The following FSHR variants were observed in gnomAD, a reference collection of about 807,000 sequenced individuals.
The protein encoded by FSHR is follicle stimulating hormone receptor.
Under a neutral mutation model 52.1 loss-of-function variants are expected in FSHR, and 46 were observed. The observed-to-expected ratio is 0.88, with a 90% confidence interval of 0.70 to 1.13. The LOEUF is 1.13. Ranked by LOEUF, FSHR falls within the 50% of genes most tolerant of loss-of-function variation. The pLI, the probability that FSHR is intolerant of heterozygous loss-of-function variation, is 0.00. For missense variants in FSHR, 964 were observed against 834.6 expected, an observed-to-expected ratio of 1.16 and a Z score of -1.91; for synonymous variants, 399 against 309.6, an observed-to-expected ratio of 1.29 and a Z score of -3.03.
At chr2:48,975,738 T>G (rs1334613326) in intron 8 of FSHR, among the ~76,000 whole-genome samples, 1 of 152,208 alleles carries the variant, frequency 6.6e-6, no homozygotes, top group African/African-American at 2.4e-5. Context: ...ATTTTTATTC[T>G]CTCTGTAGCA....
chr2:49,086,290 T>C (rs927279440), intron 1 of FSHR, among the ~76,000 whole-genome samples: 1 of 152,180 alleles, frequency 6.6e-6, no homozygotes, highest in Non-Finnish European at 1.5e-5. Flanking sequence ...AGAGTTCATC[T>C]AAAATTGCAG....
intron 8 of FSHR, among the ~76,000 whole-genome samples, chr2:48,979,805 T>TTTTG (rs1553430622): frequency 6.0e-4 from 90 of 150,214 alleles, no homozygotes; most frequent in African/African-American, 1.6e-3. Context: ...ATCACAGTCT[T>TTTTG]TGTGTGTGTG....
chr2:48,989,093 C>T (rs746722248), intron 5 of FSHR, 39 bp from the exon 6 acceptor site: 1 of 1,523,514 alleles, frequency 6.6e-7, no homozygotes, highest in South Asian at 1.1e-5. Flanking sequence ...CTTACATCAG[C>T]TCTACTCATG....
intron 1 of FSHR, among the ~76,000 whole-genome samples, chr2:49,103,742 A>C (rs1671118777): frequency 6.6e-6 from 1 of 152,110 alleles, no homozygotes; most frequent in South Asian, 2.1e-4. Flanking sequence ...TACTGGAATA[A>C]CCTACATAAG....
chr2:49,074,343 A>G (rs752922170), intron 1 of FSHR, among the ~76,000 whole-genome samples: 1 of 152,120 alleles, frequency 6.6e-6, no homozygotes, highest in Non-Finnish European at 1.5e-5. Context: ...AATCACCACC[A>G]ACAAAAAAGT....
intron 2 of FSHR, among the ~76,000 whole-genome samples, chr2:49,027,826 G>A (rs866721749): frequency 2.2e-5 from 3 of 138,858 alleles, no homozygotes; most frequent in African/African-American, 8.3e-5. Flanking sequence ...CTCCAGCCTG[G>A]ATGACAGAGT....
intron 2 of FSHR, among the ~76,000 whole-genome samples, chr2:49,020,640 C>T (rs1667657529): frequency 6.6e-6 from 1 of 151,994 alleles, no homozygotes; most frequent in South Asian, 2.1e-4. Context: ...AATGAATTAG[C>T]CTGTGTTCCA....
At chr2:49,124,011 A>C (rs1368526657) in intron 1 of FSHR, among the ~76,000 whole-genome samples, 1 of 151,112 alleles carries the variant, frequency 6.6e-6, no homozygotes. Flanking sequence ...TTGAGACGGA[A>C]TTTCGCTCTA....
At chr2:48,974,349 C>T (rs1479342604) in intron 8 of FSHR, among the ~76,000 whole-genome samples, 2 of 152,186 alleles carry the variant, frequency 1.3e-5, no homozygotes, top group East Asian at 3.9e-4. Context: ...CATTGCCTTT[C>T]CGTTGCTCAG....
chr2:49,075,531 G>A (rs1189911254), intron 1 of FSHR, among the ~76,000 whole-genome samples: 2 of 152,034 alleles, frequency 1.3e-5, no homozygotes, highest in African/African-American at 4.8e-5. Context: ...TAAAAACTGA[G>A]AGAGAAAAAA....
chr2:49,085,297 C>A (rs200666433), intron 1 of FSHR, among the ~76,000 whole-genome samples: 10,389 of 102,152 alleles, frequency 0.1, no homozygotes, highest in Non-Finnish European at 0.12. Flanking sequence ...ATTCAACAAC[C>A]TTCATGCTAA....
chr2:49,106,178 C>A (rs921980685), intron 1 of FSHR, among the ~76,000 whole-genome samples: 7 of 152,128 alleles, frequency 4.6e-5, no homozygotes, highest in African/African-American at 1.7e-4. Context: ...GCCTGAAATA[C>A]CTTTAAAAGG....
chr2:49,061,557 CATATAA>C (rs1004069528), intron 2 of FSHR, among the ~76,000 whole-genome samples: 3 of 142,954 alleles, frequency 2.1e-5, no homozygotes, highest in Admixed American at 7.1e-5. Flanking sequence ...TACATATATA[CATATAA>C]ATATACATAT....
intron 1 of FSHR, among the ~76,000 whole-genome samples, chr2:49,072,074 A>G (rs1420693591): frequency 6.6e-6 from 1 of 152,152 alleles, no homozygotes; most frequent in Admixed American, 6.6e-5. Flanking sequence ...ATTGACCAAG[A>G]ACTAGGTTAC....
chr2:49,078,105 G>A (rs545426015), intron 1 of FSHR, among the ~76,000 whole-genome samples: 106 of 152,274 alleles, frequency 7.0e-4, no homozygotes, highest in African/African-American at 2.0e-3. Flanking sequence ...CTTTCATGCT[G>A]CTGATAAAGA....
chr2:49,126,534 A>G (rs1340693963), intron 1 of FSHR, among the ~76,000 whole-genome samples: 1 of 152,212 alleles, frequency 6.6e-6, no homozygotes, highest in Non-Finnish European at 1.5e-5. Flanking sequence ...GACATATTCA[A>G]GTAATAGCAA....
At chr2:49,047,985 T>C (rs1383272564) in intron 2 of FSHR, among the ~76,000 whole-genome samples, 2 of 152,032 alleles carry the variant, frequency 1.3e-5, no homozygotes, top group East Asian at 3.9e-4. Context: ...TTCAAGTGAG[T>C]CTCCTGCCTC....
At chr2:49,054,842 A>G (rs1319155540) in intron 2 of FSHR, among the ~76,000 whole-genome samples, 1 of 152,188 alleles carries the variant, frequency 6.6e-6, no homozygotes, top group African/African-American at 2.4e-5. Context: ...CAAAAGTCAA[A>G]GCACCTCACC....
intron 4 of FSHR, among the ~76,000 whole-genome samples, chr2:49,016,140 T>G (rs1667483943): frequency 6.6e-6 from 1 of 152,174 alleles, no homozygotes; most frequent in African/African-American, 2.4e-5. Flanking sequence ...TTCTTATGAA[T>G]GAAAATTTAG....
Sources: allele counts gnomAD v4.1 joint callset (sites outside exome capture counted in the v4.1 genomes callset), GRCh38; gene constraint gnomAD v4.1.1; transcripts MANE v1.5; gene names NCBI Gene and HGNC (gene_info 2026-07-23, HGNC 2026-07-21).